The following TRPM6 variants were observed in gnomAD, a reference collection of about 807,000 sequenced individuals.
TRPM6 encodes channel kinase 2.
Under a neutral mutation model 247.6 loss-of-function variants are expected in TRPM6, and 111 were observed. That is an observed-to-expected ratio of 0.45 (90% CI 0.38 to 0.52). The LOEUF (loss-of-function observed/expected upper bound fraction) is 0.52. Among genes scored for constraint, TRPM6 ranks in the 20% least tolerant of loss-of-function variants. The pLI is 0.00. For missense variants in TRPM6, 2,126 were observed against 2,421.5 expected (o/e 0.88, Z 2.56); for synonymous variants, 892 against 853.8 (o/e 1.04, Z -0.78).
Position 74,742,590 on chromosome 9 carries a change from G to A in TRPM6, c.5171C>T (p.Thr1724Ile), listed in dbSNP as rs56290308. 1,807 of 1,613,884 alleles carry A rather than the reference G, an allele frequency of 1.1e-3. 6 individuals carry two copies. The highest frequency in any genetic ancestry group is 3.5e-3 in the Middle Eastern group (21 of 6,058). Residue 1724 changes from threonine to isoleucine, a missense_variant, in exon 33 of 39, where the codon ACC becomes ATC. Thr to Ile is a moderately conservative substitution (Grantham distance 89, BLOSUM62 -1). This residue lies in a region of TRPM6 where 327 missense variants were observed against 397.7 expected (regional missense o/e 0.82). Transcript: ENST00000360774. ...CAGTTGGACTGGTGTAAATGGTATG[G>A]TCTGAGAAAGCCTCATTAAATTATT... is the stretch of plus-strand genomic sequence containing the variant. The part of the protein sequence containing the change: ...ERNNLMRLSQ[T>I]IPFTPVQLFA...
At chr9:74,725,756 C>T (rs978182465) in intron 38 of TRPM6, among the ~76,000 whole-genome samples, 1 of 152,142 alleles carries the variant, frequency 6.6e-6, no homozygotes, top group African/African-American at 2.4e-5. Flanking sequence ...GAACTGTAAG[C>T]TCATTAAACC....
Position 74,790,006 on chromosome 9 carries a change from A to ATGTGTGTAAATG in TRPM6, c.2539-1265_2539-1264insCATTTACACACA, listed in dbSNP as rs1554703824. On this transcript the variant is annotated intron_variant, in intron 19 of 38. Coordinates refer to ENST00000360774, the MANE Select transcript of TRPM6 (RefSeq NM_017662.5). ...AAAAAGAAAATCAGTTGAGAGAAAA[A>ATGTGTGTAAATG]TGTGTGTGTGTGTGTGTGTGTGTGT... Among the ~76,000 whole-genome samples, 3 of 132,816 alleles carry ATGTGTGTAAATG rather than the reference A, an allele frequency of 2.3e-5. No homozygotes were observed. In the Admixed American group the frequency reaches 2.5e-4, roughly 11 times the overall value. The allele number at this position is 132,816 out of a possible 152,430, so 87.1% of individuals were successfully genotyped here. A position where few individuals can be genotyped will look rare whatever the true frequency, so the allele number is the denominator to read the frequency against.
chr9:74,728,574 C>T (rs558142251), intron 37 of TRPM6, among the ~76,000 whole-genome samples: 15 of 152,308 alleles, frequency 9.8e-5, no homozygotes, highest in Admixed American at 1.3e-4. Context: ...CGCATTTCAA[C>T]GGCATTTCAA....
chr9:74,838,833 G>A (rs1829816288), intron 5 of TRPM6, among the ~76,000 whole-genome samples: 1 of 152,044 alleles, frequency 6.6e-6, no homozygotes, highest in South Asian at 2.1e-4. Context: ...GGTTAGGCCA[G>A]ACATGGTGGC....
Position 74,803,884 on chromosome 9 carries a change from G to T in TRPM6, c.1641C>A (p.His547Gln). Residue 547 changes from histidine to glutamine, a missense_variant and splice_region_variant, in exon 15 of 39, where the codon CAC becomes CAA. His to Gln is a conservative substitution (Grantham distance 24). Around this residue, in one of 3 missense-constraint regions of TRPM6, gnomAD observed 1,082 missense variants for 1,307.9 expected, o/e 0.83. Coordinates refer to ENST00000360774, the MANE Select transcript of TRPM6 (RefSeq NM_017662.5). Reference sequence around the variant, plus strand: ...TTCTATTTCCTGAGGAGTGTCTCTGGTGCTGGGAAAGGTTTTGAACAAAGC... The same window carrying T: ...TTCTATTTCCTGAGGAGTGTCTCTGTTGCTGGGAAAGGTTTTGAACAAAGC... ...LYNNLYRKYKHQRHSSGNRNE... is the reference protein window; with the variant it reads ...LYNNLYRKYKQQRHSSGNRNE... The T allele has an allele frequency of 1.2e-6, 2 of 1,610,296 alleles. No individual in the cohort carries two copies. Among genetic ancestry groups the T allele is most frequent in the Non-Finnish European group, 1.7e-6 (2 of 1,176,596 alleles).
rs1328982825 is a variant in TRPM6, at chr9:74,820,132, C to T, written c.1134+172G>A. On this transcript the variant is annotated intron_variant, in intron 9 of 38. Coordinates refer to ENST00000360774, the MANE Select transcript of TRPM6 (RefSeq NM_017662.5). ...TCACTTAGGTATTAAGATCTCCATGCATTAGCTATTTATCCTGATTTTCTC... is the reference window on the plus strand; with the variant it reads ...TCACTTAGGTATTAAGATCTCCATGTATTAGCTATTTATCCTGATTTTCTC... 8 of 681,156 alleles carry T rather than the reference C, an allele frequency of 1.2e-5. No individual in the cohort carries two copies. In the South Asian group the frequency reaches 1.4e-4, roughly 12 times the overall value. The allele number at this position is 681,156 out of a possible 1,614,324, so 42.2% of individuals were successfully genotyped here. A position where few individuals can be genotyped will look rare whatever the true frequency, so the allele number is the denominator to read the frequency against.
chr9:74,887,438 G>A (rs1587617024), intron 1 of TRPM6: 3 of 1,142,824 alleles, frequency 2.6e-6, no homozygotes, highest in East Asian at 5.2e-5. Flanking sequence ...CTCAGCTCAA[G>A]CCACCTCCGA....
chr9:74,784,264 GAAA>G (rs561088762), intron 21 of TRPM6, among the ~76,000 whole-genome samples: 2 of 81,798 alleles, frequency 2.4e-5, no homozygotes, highest in Admixed American at 1.5e-4. Context: ...CTCCATCTCA[GAAA>G]AAAAAAAAAA....
intron 23 of TRPM6, among the ~76,000 whole-genome samples, chr9:74,781,553 A>AAAAAT (rs57558691): frequency 2.7e-5 from 4 of 147,054 alleles, no homozygotes; most frequent in Non-Finnish European, 4.5e-5. Flanking sequence ...AAAAAAAAAA[A>AAAAAT]GAAGAAAAAG....
intron 6 of TRPM6, among the ~76,000 whole-genome samples, chr9:74,831,409 G>C (rs1393918012): frequency 2.0e-5 from 3 of 152,124 alleles, no homozygotes; most frequent in African/African-American, 4.8e-5. Context: ...AGAATCGCTT[G>C]AACCCAGGAG....
At chr9:74,862,346 G>C (rs957015556) in intron 1 of TRPM6, among the ~76,000 whole-genome samples, 5 of 152,140 alleles carry the variant, frequency 3.3e-5, no homozygotes, top group Non-Finnish European at 5.9e-5. Context: ...CGTGGTAGTT[G>C]AGAGTAAGGA....
intron 18 of TRPM6, among the ~76,000 whole-genome samples, chr9:74,794,001 A>G (rs1235162081): frequency 2.0e-5 from 3 of 152,182 alleles, no homozygotes; most frequent in Non-Finnish European, 4.4e-5. Flanking sequence ...AAAGGAAGAG[A>G]AAAGAAAAGA....
In TRPM6 at chr9:74,728,257, G is replaced by A. The variant is rs559742806; in HGVS notation, c.5917C>T (p.Arg1973Trp). Residue 1973 changes from arginine to tryptophan, a missense_variant, in exon 38 of 39, where the codon CGG becomes TGG. Arg to Trp is a moderately radical substitution (Grantham distance 101). Coordinates refer to ENST00000360774, the MANE Select transcript of TRPM6 (RefSeq NM_017662.5). ...IAKHHCNSCC[R>W]KLKLPDLKRN... ...GGCATACCCGGGAGTTTGAGCTTCC[G>A]GCAGCAGGAGTTACAATGATGTTTT... The A allele has an allele frequency of 1.9e-6, 3 of 1,613,948 alleles. No homozygotes were observed. The highest frequency in any genetic ancestry group is 1.1e-5 in the South Asian group (1 of 91,062).
intron 23 of TRPM6, among the ~76,000 whole-genome samples, chr9:74,779,949 G>A (rs1214513815): frequency 1.3e-5 from 2 of 151,918 alleles, no homozygotes; most frequent in Admixed American, 6.6e-5. Flanking sequence ...CAAGGTGGGC[G>A]GATCACAAGG....
chr9:74,759,294 A>G (rs1393110515), intron 27 of TRPM6, among the ~76,000 whole-genome samples: 2 of 113,582 alleles, frequency 1.8e-5, no homozygotes, highest in Non-Finnish European at 3.6e-5. Flanking sequence ...AGAACACAAA[A>G]TAGCCAAACT....
intron 1 of TRPM6, among the ~76,000 whole-genome samples, chr9:74,886,987 C>T (rs548181894): frequency 1.3e-5 from 2 of 152,196 alleles, no homozygotes; most frequent in Non-Finnish European, 2.9e-5. Context: ...ATTTTTCATA[C>T]ACAGTGTGAG....
At chr9:74,810,005 A>G (rs951702906) in intron 13 of TRPM6, among the ~76,000 whole-genome samples, 1 of 150,098 alleles carries the variant, frequency 6.7e-6, no homozygotes, top group African/African-American at 2.5e-5. Context: ...AAAAAAAACA[A>G]GGATATGTCT....
chr9:74,755,109 T>C (rs757232682), intron 28 of TRPM6, among the ~76,000 whole-genome samples: 6 of 152,216 alleles, frequency 3.9e-5, no homozygotes, highest in Non-Finnish European at 5.9e-5. Flanking sequence ...TTCAACAGCT[T>C]TGAATACAAG....
At chr9:74,795,810 A>T (rs2118985070) in intron 18 of TRPM6, among the ~76,000 whole-genome samples, 1 of 152,344 alleles carries the variant, frequency 6.6e-6, no homozygotes, top group East Asian at 1.9e-4. Flanking sequence ...CTGCCTGTAG[A>T]AATTTCAGTA....
Sources: gnomAD v4.1 joint callset for allele counts (sites outside exome capture counted in the v4.1 genomes callset) on GRCh38, gnomAD v4.1.1 for gene constraint, gnomAD v4.1.1 regional missense constraint, MANE v1.5 for transcripts, NCBI Gene and HGNC (gene_info 2026-07-23, HGNC 2026-07-21) for gene names.